KRABD5: variants seen among roughly 807,000 people sequenced by gnomAD.
The protein encoded by KRABD5 is KRAB domain containing 5, also known as KRAB domain-containing protein 5.
the KRABD5 span, chr16:31,754,284 T>TA: frequency 1.6e-6 from 1 of 625,960 alleles, no homozygotes; most frequent in Admixed American, 2.8e-5. Context: ...CACCAACAAA[T>TA]AACACCTCGT....
At chr16:31,754,096 G>A in the KRABD5 span, 1 of 723,928 alleles carries the variant, frequency 1.4e-6, no homozygotes, top group Non-Finnish European at 2.5e-6. Context: ...TCTTTTAAAG[G>A]AAATTTGGAT....
chr16:31,731,000 A>T, the KRABD5 span, among the ~76,000 whole-genome samples: 3 of 152,204 alleles, frequency 2.0e-5, no homozygotes, highest in Non-Finnish European at 4.4e-5. Flanking sequence ...CTTTAAGATG[A>T]TTATTTTGAA....
the KRABD5 span, chr16:31,713,270 T>C: frequency 1.1e-6 from 1 of 925,492 alleles, no homozygotes; most frequent in Non-Finnish European, 1.6e-6. Context: ...CTTTGTTGGC[T>C]GCAGTAAGAG....
chr16:31,734,822 C>T, the KRABD5 span, among the ~76,000 whole-genome samples: 2 of 151,790 alleles, frequency 1.3e-5, no homozygotes, highest in Non-Finnish European at 2.9e-5. Flanking sequence ...TCTCAGCTCA[C>T]TGCAACCTCT....
At chr16:31,724,683 G>C in the KRABD5 span, among the ~76,000 whole-genome samples, 2 of 130,564 alleles carry the variant, frequency 1.5e-5, no homozygotes, top group African/African-American at 6.2e-5. Flanking sequence ...CAGAGAGCAA[G>C]ACTCCGTCTC....
At chr16:31,755,116 T>G in the KRABD5 span, 1 of 491,096 alleles carries the variant, frequency 2.0e-6, no homozygotes, top group African/African-American at 2.0e-5. Context: ...GAATTCATAC[T>G]GGAGAGAAAC....
the KRABD5 span, among the ~76,000 whole-genome samples, chr16:31,747,547 T>A: frequency 6.6e-6 from 1 of 152,202 alleles, no homozygotes; most frequent in African/African-American, 2.4e-5. Flanking sequence ...TAGTTCTAGA[T>A]CCCTGAGGAA....
chr16:31,727,157 A>G, the KRABD5 span, among the ~76,000 whole-genome samples: 2 of 152,252 alleles, frequency 1.3e-5, no homozygotes, highest in Non-Finnish European at 2.9e-5. Context: ...CTGAATGAGT[A>G]TTAGCTCTAA....
chr16:31,760,768 G>C, the KRABD5 span: 1 of 152,118 alleles, frequency 6.6e-6, no homozygotes. Context: ...GCAAATGTGA[G>C]AATTTGCAAA....
chr16:31,759,439 G>C, the KRABD5 span: 1 of 1,529,148 alleles, frequency 6.5e-7, no homozygotes, highest in East Asian at 2.5e-5. Flanking sequence ...ATTTTCTGAG[G>C]GTGATGAAAG....
chr16:31,727,722 A>G, the KRABD5 span, among the ~76,000 whole-genome samples: 1 of 151,926 alleles, frequency 6.6e-6, no homozygotes, highest in Non-Finnish European at 1.5e-5. Flanking sequence ...TTGTGATTTA[A>G]TCTTGGTGAG....
the KRABD5 span, among the ~76,000 whole-genome samples, chr16:31,751,053 C>T: frequency 2.0e-5 from 3 of 152,292 alleles, no homozygotes; most frequent in African/African-American, 7.2e-5. Context: ...AGCCACTGCG[C>T]CTAGCTTTTA....
the KRABD5 span, among the ~76,000 whole-genome samples, chr16:31,737,649 T>C: frequency 6.6e-6 from 1 of 152,198 alleles, no homozygotes; most frequent in Non-Finnish European, 1.5e-5. Flanking sequence ...ATTTCTGGAC[T>C]CTCCAATCTG....
the KRABD5 span, among the ~76,000 whole-genome samples, chr16:31,718,914 A>G: frequency 6.6e-6 from 1 of 152,202 alleles, no homozygotes; most frequent in African/African-American, 2.4e-5. Context: ...CCATCTCAGA[A>G]GGAAAGGAAT....
chr16:31,755,667 G>A, the KRABD5 span: 1 of 472,542 alleles, frequency 2.1e-6, no homozygotes, highest in Admixed American at 2.3e-5. Flanking sequence ...TTATTTAATC[G>A]ATGCTCAACC....
the KRABD5 span, among the ~76,000 whole-genome samples, chr16:31,741,561 A>G: frequency 6.6e-6 from 1 of 152,068 alleles, no homozygotes; most frequent in Non-Finnish European, 1.5e-5. Context: ...ATGGGTAGTG[A>G]TGTGTAACAT....
the KRABD5 span, among the ~76,000 whole-genome samples, chr16:31,735,679 G>A: frequency 1.3e-5 from 2 of 152,078 alleles, no homozygotes; most frequent in Non-Finnish European, 2.9e-5. Context: ...GTGAAGTTGA[G>A]CATCTGTTTA....
At chr16:31,758,794 A>T in the KRABD5 span, 2 of 151,946 alleles carry the variant, frequency 1.3e-5, no homozygotes, top group Admixed American at 1.3e-4. Context: ...AAAAGAAAAG[A>T]AAAGTGTATT....
At chr16:31,727,962 T>G in the KRABD5 span, among the ~76,000 whole-genome samples, 1 of 152,130 alleles carries the variant, frequency 6.6e-6, no homozygotes, top group African/African-American at 2.4e-5. Context: ...CCCAGGCTCA[T>G]GTTATTCTCC....
Sources: gnomAD v4.1 joint callset for allele counts (sites outside exome capture counted in the v4.1 genomes callset) on GRCh38, gnomAD v4.1.1 for gene constraint, MANE v1.5 for transcripts, NCBI Gene and HGNC (gene_info 2026-07-23, HGNC 2026-07-21) for gene names.